TNIK: variants seen among roughly 807,000 people sequenced by gnomAD.
TNIK encodes TRAF2 and NCK-interacting protein kinase.
TNIK carries 49 observed loss-of-function variants against 191.3 expected under a neutral mutation model. That is an observed-to-expected ratio of 0.26 (90% CI 0.20 to 0.32). The LOEUF (loss-of-function observed/expected upper bound fraction) is 0.32. TNIK is among the 10% of genes least tolerant of loss of function. TNIK has a pLI of 1.00. For missense variants in TNIK, 1,155 were observed against 1,702.3 expected (o/e 0.68, Z 5.66); for synonymous variants, 594 against 600.9 (o/e 0.99, Z 0.17).
chr3:171,126,273 G>A, intron 16 of TNIK, 122 bp from the exon 17 acceptor site: 1 of 1,250,404 alleles, frequency 8.0e-7, no homozygotes. Context: ...ACTATAGAGA[G>A]TCTATCACAA....
At chr3:171,289,100 G>A (rs1033447697) in intron 2 of TNIK, among the ~76,000 whole-genome samples, 24 of 152,232 alleles carry the variant, frequency 1.6e-4, no homozygotes, top group African/African-American at 5.8e-4. Context: ...AGAGGCATAA[G>A]GGAAGCTTCA....
At chr3:171,076,492 C>T (rs1365279523) in intron 28 of TNIK, among the ~76,000 whole-genome samples, 1 of 152,170 alleles carries the variant, frequency 6.6e-6, no homozygotes, top group African/African-American at 2.4e-5. Context: ...TCATACTTTT[C>T]TGAGACCACA....
intron 18 of TNIK, among the ~76,000 whole-genome samples, chr3:171,115,183 C>T (rs898517227): frequency 6.6e-6 from 1 of 152,144 alleles, no homozygotes; most frequent in African/African-American, 2.4e-5. Flanking sequence ...AATAAAAAAT[C>T]TCTTGAGAGG....
At chr3:171,249,237 T>C (rs996583223) in intron 2 of TNIK, among the ~76,000 whole-genome samples, 1 of 152,242 alleles carries the variant, frequency 6.6e-6, no homozygotes, top group African/African-American at 2.4e-5. Flanking sequence ...TATTTCATAA[T>C]TCTGGGTCCC....
intron 1 of TNIK, among the ~76,000 whole-genome samples, chr3:171,379,875 G>T (rs1231271449): frequency 6.6e-6 from 1 of 152,070 alleles, no homozygotes; most frequent in Non-Finnish European, 1.5e-5. Flanking sequence ...TGGGCGTGGT[G>T]GTACACGCCT....
At chr3:171,151,496 T>A (rs1469974124) in intron 12 of TNIK, among the ~76,000 whole-genome samples, 4 of 152,246 alleles carry the variant, frequency 2.6e-5, no homozygotes, top group Non-Finnish European at 5.9e-5. Flanking sequence ...GCTCACTATG[T>A]GTTAGTGATG....
chr3:171,066,467 ATTTTTT>A, intron 31 of TNIK, 103 bp downstream of exon 31: 14 of 1,312,088 alleles, frequency 1.1e-5, no homozygotes, highest in Non-Finnish European at 1.3e-5. Context: ...TTATTCACAG[ATTTTTT>A]TTTTTTTTTT....
At chr3:171,274,528 T>C (rs6788773) in intron 2 of TNIK, among the ~76,000 whole-genome samples, 80,701 of 152,008 alleles carry the variant, frequency 0.53, 22,346 homozygotes, top group African/African-American at 0.65. Context: ...TAAAGTAATA[T>C]AAAAATGTTA....
At position 171,061,748 on chromosome 3, in the gene TNIK, A is replaced by G. The variant is rs1195825686; in HGVS notation, c.*2133T>C. 6.6e-6 allele frequency: 1 copy of G among 152,230 alleles called. No individual in the cohort carries two copies. The highest frequency in any genetic ancestry group is 1.5e-5 in the Non-Finnish European group (1 of 68,032). 9.4% of individuals were successfully genotyped at this position (152,230 alleles called of 1,614,324 possible). A position where few individuals can be genotyped will look rare whatever the true frequency, so the allele number is the denominator to read the frequency against. ...GAAATCAATATATTTTGTCCACATC[A>G]GCATCCAATTACAGTAGTTGTTAAA... On this transcript the variant is annotated 3_prime_UTR_variant, in exon 33 of 33. Coordinates refer to ENST00000436636, the MANE Select transcript of TNIK (RefSeq NM_015028.4).
At chr3:171,271,590 T>C (rs1424713946) in intron 2 of TNIK, among the ~76,000 whole-genome samples, 1 of 152,264 alleles carries the variant, frequency 6.6e-6, no homozygotes, top group Non-Finnish European at 1.5e-5. Context: ...AATTAATCTC[T>C]ACCTCTCATG....
At chr3:171,362,681 G>A (rs1474423708) in intron 2 of TNIK, among the ~76,000 whole-genome samples, 1 of 152,142 alleles carries the variant, frequency 6.6e-6, no homozygotes, top group South Asian at 2.1e-4. Context: ...TTTTATACTT[G>A]AGTTTTCATT....
chr3:171,449,280 G>A (rs1179090343), intron 1 of TNIK, among the ~76,000 whole-genome samples: 10 of 152,124 alleles, frequency 6.6e-5, no homozygotes, highest in Non-Finnish European at 1.0e-4. Context: ...TAATGGGATT[G>A]TTGGGTCAAA....
At chr3:171,091,336 AC>A (rs1722025480) in intron 23 of TNIK, among the ~76,000 whole-genome samples, 1 of 152,098 alleles carries the variant, frequency 6.6e-6, no homozygotes, top group African/African-American at 2.4e-5. Flanking sequence ...TCTCATCTTC[AC>A]CCAGCTTCCA....
intron 11 of TNIK, among the ~76,000 whole-genome samples, chr3:171,158,500 C>T (rs1275999524): frequency 6.6e-6 from 1 of 152,238 alleles, no homozygotes; most frequent in African/African-American, 2.4e-5. Context: ...CTCCTTGATT[C>T]TGCACAGCAG....
chr3:171,162,227 T>G (rs563682243), intron 10 of TNIK, among the ~76,000 whole-genome samples: 22 of 151,890 alleles, frequency 1.4e-4, no homozygotes, highest in African/African-American at 5.3e-4. Context: ...CGAGACCATC[T>G]AGGCTAACAC....
chr3:171,280,136 T>C (rs1301173233), intron 2 of TNIK, among the ~76,000 whole-genome samples: 2 of 152,202 alleles, frequency 1.3e-5, no homozygotes, highest in African/African-American at 4.8e-5. Flanking sequence ...CACTCATGAA[T>C]GGATGGGCAC....
intron 1 of TNIK, among the ~76,000 whole-genome samples, chr3:171,376,835 A>AT (rs1178917885): frequency 1.3e-5 from 2 of 151,690 alleles, no homozygotes; most frequent in African/African-American, 4.9e-5. Flanking sequence ...CTGATTGTTG[A>AT]TTTTTCTTAC....
chr3:171,132,285 A>C (rs1022066161), intron 15 of TNIK, among the ~76,000 whole-genome samples: 5 of 152,252 alleles, frequency 3.3e-5, no homozygotes, highest in African/African-American at 4.8e-5. Context: ...TCACTATAAA[A>C]GTATTTTTTT....
intron 2 of TNIK, among the ~76,000 whole-genome samples, chr3:171,262,439 A>T (rs1266872222): frequency 6.6e-6 from 1 of 152,202 alleles, no homozygotes; most frequent in Admixed American, 6.5e-5. Flanking sequence ...TCCATAAATC[A>T]AACAAAAATT....
Sources: gnomAD v4.1 joint callset for allele counts (sites outside exome capture counted in the v4.1 genomes callset) on GRCh38, gnomAD v4.1.1 for gene constraint, MANE v1.5 for transcripts, NCBI Gene and HGNC (gene_info 2026-07-23, HGNC 2026-07-21) for gene names.